Variants in OPA3 observed in about 807,000 individuals in gnomAD.
OPA3 encodes the protein optic atrophy 3 protein.
OPA3 carries 6 observed loss-of-function variants against 4.0 expected under a neutral mutation model. The observed-to-expected ratio is 1.51, with a 90% CI of 0.83 to 2.99. OPA3 has a LOEUF of 2.99. Ranked by LOEUF, OPA3 falls within the 30% of genes most tolerant of loss-of-function variation. The pLI, the probability that OPA3 is intolerant of heterozygous loss-of-function variation, is 0.00. For missense variants in OPA3, 235 were observed against 256.2 expected (o/e 0.92, Z 0.56); for synonymous variants, 105 against 117.1 (o/e 0.90, Z 0.67).
intron 1 of OPA3, chr19:45,584,273 T>C: frequency 1.1e-6 from 1 of 930,018 alleles, no homozygotes; most frequent in Non-Finnish European, 1.3e-6. Context: ...CCCCGTCCGG[T>C]TTCTCCTCAG....
chr19:45,553,444 G>T lies in OPA3; in HGVS notation c.*70C>A. On this transcript the variant is annotated 3_prime_UTR_variant, in exon 2 of 2. Transcript: ENST00000263275. ...TTTCCACTGGGCCAGCGCAGGCAAG[G>T]GTGGTGCGGGAAGAAGGCCACGTTA... 6.2e-7 allele frequency: 1 copy of T among 1,604,178 alleles called. No individual in the cohort carries two copies. Among genetic ancestry groups the T allele is most frequent in the South Asian group, 1.1e-5 (1 of 90,978 alleles).
chr19:45,561,613 G>C (rs940300281), intron 1 of OPA3, among the ~76,000 whole-genome samples: 2 of 152,138 alleles, frequency 1.3e-5, no homozygotes, highest in African/African-American at 4.8e-5. Flanking sequence ...TTTAATATGG[G>C]AGAGGGAAAG....
downstream of OPA3, among the ~76,000 whole-genome samples, chr19:45,542,365 T>TG (rs914854977): frequency 2.6e-5 from 4 of 152,200 alleles, no homozygotes; most frequent in African/African-American, 9.6e-5. Flanking sequence ...TTGGTGATTT[T>TG]GTCATTGTGC....
rs959704225 is a variant in OPA3 at position 45,528,979 on chromosome 19, A to C, written c.*77T>G. The C allele has an allele frequency of 9.4e-6, 14 of 1,496,988 alleles. No homozygotes were observed. In the Admixed American group the frequency reaches 2.9e-4, roughly 31 times the overall value. The allele number at this position is 1,496,988 out of a possible 1,614,324, so 92.7% of individuals were successfully genotyped here. A position where few individuals can be genotyped will look rare whatever the true frequency, so the allele number is the denominator to read the frequency against. On this transcript the variant is annotated 3_prime_UTR_variant, in exon 2 of 2. Transcript: ENST00000323060. Reference sequence around the variant, plus strand: ...CAGCTGGGCCGGTCCAGGATGGGACAGTGCGGAGAATAGGCCAAGACAGAG... The same window carrying C: ...CAGCTGGGCCGGTCCAGGATGGGACCGTGCGGAGAATAGGCCAAGACAGAG...
chr19:45,528,824 CCTT>C (rs778914148), exon 2 of OPA3: 3 of 522,796 alleles, frequency 5.7e-6, no homozygotes, highest in South Asian at 6.1e-5. Flanking sequence ...AGGGCGGGGT[CCTT>C]CTTGGAACGT....
Position 45,546,811 on chromosome 19 carries a change from G to A in OPA3, c.*6703C>T, listed in dbSNP as rs535393059. On this transcript the variant is annotated 3_prime_UTR_variant, in exon 2 of 2. Coordinates refer to ENST00000263275, the MANE Select transcript of OPA3 (RefSeq NM_025136.4). ...CTCTCATGTAGCTGGGATTACAGAT[G>A]TGCACCACCACACCCGGCTAATTTT... The A allele has an allele frequency of 1.3e-5, 2 of 152,194 alleles. No individual in the cohort carries two copies. The highest frequency in any genetic ancestry group is 3.9e-4 in the East Asian group (2 of 5,182). 9.4% of individuals were successfully genotyped at this position (152,194 alleles called of 1,614,324 possible).
intron 1 of OPA3, 157 bp downstream of exon 1, chr19:45,584,466 C>A (rs544516313): frequency 3.1e-6 from 3 of 982,174 alleles, no homozygotes; most frequent in African/African-American, 1.8e-5. Context: ...TACTGGGCCA[C>A]CCGTACGCCC....
At chr19:45,562,418 C>T (rs1234716154) in intron 1 of OPA3, among the ~76,000 whole-genome samples, 1 of 149,478 alleles carries the variant, frequency 6.7e-6, no homozygotes, top group Admixed American at 6.7e-5. Context: ...AGGCCGGGGG[C>T]GGTGGCTCAC....
chr19:45,531,277 C>T (rs527351235), intron 1 of OPA3, among the ~76,000 whole-genome samples: 1 of 152,084 alleles, frequency 6.6e-6, no homozygotes, highest in Admixed American at 6.5e-5. Context: ...CATTAAATGC[C>T]AGCTGGACTC....
chr19:45,574,792 G>C (rs1802356547), intron 1 of OPA3, among the ~76,000 whole-genome samples: 1 of 152,152 alleles, frequency 6.6e-6, no homozygotes, highest in Admixed American at 6.6e-5. Flanking sequence ...AAGATTCCAG[G>C]CCTTGCCCTT....
chr19:45,551,673 T>C lies in OPA3; in HGVS notation c.*1841A>G, dbSNP rs1293136777. The C allele has an allele frequency of 1.2e-5, 12 of 977,542 alleles. No individual in the cohort carries two copies. Among genetic ancestry groups the C allele is most frequent in the Non-Finnish European group, 1.3e-5 (11 of 822,946 alleles). The allele number at this position is 977,542 out of a possible 1,614,324, so 60.6% of individuals were successfully genotyped here. A position where few individuals can be genotyped will look rare whatever the true frequency, so the allele number is the denominator to read the frequency against. On this transcript the variant is annotated 3_prime_UTR_variant, in exon 2 of 2. Transcript: ENST00000263275. ...TTCACCACCCAATGGTGATCTGTTA[T>C]GGCAGTCCAAGGAAATTAATCAAGC... is the stretch of plus-strand genomic sequence containing the variant.
At chr19:45,555,188 A>C (rs1969402327) in intron 1 of OPA3, among the ~76,000 whole-genome samples, 1 of 152,230 alleles carries the variant, frequency 6.6e-6, no homozygotes, top group Non-Finnish European at 1.5e-5. Flanking sequence ...TGGTCACAGG[A>C]AATTAACATG....
downstream of OPA3, among the ~76,000 whole-genome samples, chr19:45,545,163 T>A (rs1599955914): frequency 2.7e-5 from 1 of 36,584 alleles, no homozygotes; most frequent in Non-Finnish European, 5.1e-5. Flanking sequence ...AGACACCGTC[T>A]CAAAAAAAAA....
At chr19:45,544,729 G>GGTTGCAGTGAGCCGAGATCATGCC (rs1969225545), downstream of OPA3, among the ~76,000 whole-genome samples, 1 of 152,018 alleles carries the variant, frequency 6.6e-6, no homozygotes, top group Non-Finnish European at 1.5e-5. Flanking sequence ...GGGAGGTGGA[G>GGTTGCAGTGAGCCGAGATCATGCC]GTTGCAGTGA....
intron 1 of OPA3, among the ~76,000 whole-genome samples, chr19:45,573,322 A>G (rs1969716465): frequency 6.6e-6 from 1 of 151,988 alleles, no homozygotes; most frequent in Non-Finnish European, 1.5e-5. Flanking sequence ...ATGGTGGCAC[A>G]TGCCTGTAAT....
chr19:45,550,585 A>T lies in OPA3; in HGVS notation c.*2929T>A. On this transcript the variant is annotated 3_prime_UTR_variant, in exon 2 of 2. Coordinates refer to ENST00000263275, the MANE Select transcript of OPA3 (RefSeq NM_025136.4). ...TACTACTTCACCACCCTGGGCAGTC[A>T]GCCCCTCACTGGCTGTGGCATCTCT... The T allele has an allele frequency of 1.0e-6, 1 of 986,116 alleles. No individual in the cohort carries two copies. The highest frequency in any genetic ancestry group is 1.2e-6 in the Non-Finnish European group (1 of 830,456). The allele number at this position is 986,116 out of a possible 1,614,324, so 61.1% of individuals were successfully genotyped here.
chr19:45,570,917 T>C (rs1216336360), intron 1 of OPA3, among the ~76,000 whole-genome samples: 1 of 130,262 alleles, frequency 7.7e-6, no homozygotes, highest in African/African-American at 2.9e-5. Context: ...TCACCAAGAG[T>C]TTCCAAATTT....
chr19:45,532,561 A>T (rs188943001), intron 1 of OPA3, among the ~76,000 whole-genome samples: 1 of 151,986 alleles, frequency 6.6e-6, no homozygotes, highest in African/African-American at 2.4e-5. Context: ...CCCTGCACTG[A>T]TCTCCTCACT....
intron 1 of OPA3, among the ~76,000 whole-genome samples, chr19:45,572,859 T>TA (rs1392944223): frequency 6.8e-6 from 1 of 146,986 alleles, no homozygotes; most frequent in Non-Finnish European, 1.5e-5. Context: ...ATTTTTTTTT[T>TA]ACTGTGAGCT....
Sources: allele counts gnomAD v4.1 joint callset (sites outside exome capture counted in the v4.1 genomes callset), GRCh38; gene constraint gnomAD v4.1.1; transcripts MANE v1.5; gene names NCBI Gene and HGNC (gene_info 2026-07-23, HGNC 2026-07-21).